Variants in VAPB observed in about 807,000 individuals in gnomAD.
The protein encoded by VAPB is vesicle-associated membrane protein-associated protein B/C.
VAPB carries 7 observed loss-of-function variants against 25.6 expected under a neutral mutation model. That is an observed-to-expected ratio of 0.27 (90% CI 0.16 to 0.51). The LOEUF (loss-of-function observed/expected upper bound fraction) is 0.51. Among genes scored for constraint, VAPB ranks in the 20% least tolerant of loss-of-function variants. VAPB has a pLI of 0.97. For synonymous variants in VAPB, 112 were observed against 109.2 expected (o/e 1.03, Z -0.16); for missense variants, 266 against 301.3 (o/e 0.88, Z 0.87).
intron 1 of VAPB, among the ~76,000 whole-genome samples, chr20:58,408,017 T>G (rs1167721643): frequency 6.6e-6 from 1 of 152,226 alleles, no homozygotes; most frequent in Non-Finnish European, 1.5e-5. Context: ...CAGTAGCATG[T>G]CTTCCAGTTT....
chr20:58,428,919 G>A (rs980683903), intron 2 of VAPB, among the ~76,000 whole-genome samples: 14 of 152,128 alleles, frequency 9.2e-5, no homozygotes, highest in African/African-American at 3.4e-4. Flanking sequence ...CACAGAATCT[G>A]GGTGTCCCAA....
At chr20:58,417,506 A>G (rs1988569552) in intron 1 of VAPB, among the ~76,000 whole-genome samples, 1 of 152,258 alleles carries the variant, frequency 6.6e-6, no homozygotes, top group African/African-American at 2.4e-5. Flanking sequence ...TAATAGTAAT[A>G]AAAAGTATCT....
Position 58,448,560 on chromosome 20 carries a change from G to C in VAPB, c.*4325G>C, listed in dbSNP as rs1188971407. ...ACTTTTTAGAACTAAATCAGTCTCTGTAAGGCCTACATTGCTAAGATACCA... is the reference window on the plus strand; with the variant it reads ...ACTTTTTAGAACTAAATCAGTCTCTCTAAGGCCTACATTGCTAAGATACCA... On this transcript the variant is annotated 3_prime_UTR_variant, in exon 6 of 6. Transcript: ENST00000475243. The C allele has an allele frequency of 2.2e-6, 1 of 454,106 alleles. No individual in the cohort carries two copies. Among genetic ancestry groups the C allele is most frequent in the South Asian group, 1.6e-5 (1 of 64,478 alleles). The allele number at this position is 454,106 out of a possible 1,614,324, so 28.1% of individuals were successfully genotyped here.
At position 58,447,966 on chromosome 20, in the gene VAPB, C is replaced by T. The variant is rs1232249622; in HGVS notation, c.*3731C>T. ...TCGGTGTAGAGGCCACTGCTTCCCC[C>T]TGCTGGAGATGGCATTTCATTGAAG... On this transcript the variant is annotated 3_prime_UTR_variant, in exon 6 of 6. Coordinates refer to ENST00000475243, the MANE Select transcript of VAPB (RefSeq NM_004738.5). The T allele has an allele frequency of 2.2e-6, 1 of 453,946 alleles. No homozygotes were observed. Among genetic ancestry groups the T allele is most frequent in the East Asian group, 7.0e-5 (1 of 14,378 alleles). 28.1% of individuals were successfully genotyped at this position (453,946 alleles called of 1,614,324 possible). A position where few individuals can be genotyped will look rare whatever the true frequency, so the allele number is the denominator to read the frequency against.
chr20:58,423,416 A>C (rs1470969080), intron 2 of VAPB, among the ~76,000 whole-genome samples: 1 of 69,336 alleles, frequency 1.4e-5, no homozygotes, highest in African/African-American at 7.3e-5. Context: ...CCATCTCACA[A>C]AAAAAAAAAA....
Position 58,449,610 on chromosome 20 carries a change from A to G in VAPB, c.*5375A>G, listed in dbSNP as rs902417003. ...CACGATATGGATTGCTTTGATTAAAAGATGTCAGTTGAATAAAACAGTACT... is the reference window on the plus strand; with the variant it reads ...CACGATATGGATTGCTTTGATTAAAGGATGTCAGTTGAATAAAACAGTACT... On this transcript the variant is annotated 3_prime_UTR_variant, in exon 6 of 6. Coordinates refer to ENST00000475243, the MANE Select transcript of VAPB (RefSeq NM_004738.5). 1.1e-5 allele frequency: 5 copies of G among 453,986 alleles called. No homozygotes were observed. Among genetic ancestry groups the G allele is most frequent in the Non-Finnish European group, 2.2e-5 (5 of 226,748 alleles). 28.1% of individuals were successfully genotyped at this position (453,986 alleles called of 1,614,324 possible). A position where few individuals can be genotyped will look rare whatever the true frequency, so the allele number is the denominator to read the frequency against.
chr20:58,445,027 G>T lies in VAPB; in HGVS notation c.*792G>T, dbSNP rs1290038764. On this transcript the variant is annotated 3_prime_UTR_variant, in exon 6 of 6. Transcript: ENST00000475243. The stretch of plus-strand genomic sequence containing the variant: ...ATGCTGCGTGCTGCTGAACTCTGTT[G>T]GGTGAACTGGTATTGCTGCTGGAGG... 4.4e-6 allele frequency: 2 copies of T among 454,762 alleles called. No individual in the cohort carries two copies. The highest frequency in any genetic ancestry group is 8.8e-6 in the Non-Finnish European group (2 of 226,790). 28.2% of individuals were successfully genotyped at this position (454,762 alleles called of 1,614,324 possible). A position where few individuals can be genotyped will look rare whatever the true frequency, so the allele number is the denominator to read the frequency against.
intron 2 of VAPB, among the ~76,000 whole-genome samples, chr20:58,421,112 A>G (rs1387531192): frequency 2.0e-5 from 3 of 152,180 alleles, no homozygotes; most frequent in East Asian, 1.9e-4. Context: ...AGGTCGGGAA[A>G]CCTGAACAGG....
intron 1 of VAPB, among the ~76,000 whole-genome samples, chr20:58,396,734 A>G (rs1309354547): frequency 6.6e-6 from 1 of 152,256 alleles, no homozygotes; most frequent in African/African-American, 2.4e-5. Context: ...AGAAAGGTAA[A>G]GAAGGAACAA....
intron 3 of VAPB, among the ~76,000 whole-genome samples, chr20:58,436,101 T>A (rs746037792): frequency 1.2e-4 from 19 of 152,174 alleles, no homozygotes; most frequent in Non-Finnish European, 2.4e-4. Flanking sequence ...GTCCAGTGTC[T>A]GACACTTGCT....
intron 4 of VAPB, 132 bp downstream of exon 4, chr20:58,439,157 G>T: frequency 2.4e-6 from 2 of 827,100 alleles, no homozygotes; most frequent in Admixed American, 4.5e-5. Flanking sequence ...AAAAAAATAA[G>T]CTGAAGTCAG....
chr20:58,413,262 G>A (rs1693609474), intron 1 of VAPB, among the ~76,000 whole-genome samples: 1 of 151,050 alleles, frequency 6.6e-6, no homozygotes, highest in African/African-American at 2.4e-5. Context: ...AGTGAACAAA[G>A]GTCTCTGGTT....
At chr20:58,403,057 C>G (rs960665307) in intron 1 of VAPB, among the ~76,000 whole-genome samples, 5 of 152,126 alleles carry the variant, frequency 3.3e-5, no homozygotes, top group Non-Finnish European at 5.9e-5. Context: ...AGAAGACTTT[C>G]AGTGGTGAAG....
chr20:58,439,850 T>G (rs1989124567), intron 4 of VAPB: 1 of 152,208 alleles, frequency 6.6e-6, no homozygotes, highest in Non-Finnish European at 1.5e-5. Flanking sequence ...CCCTTCAACC[T>G]AGTCGAAAAC....
At chr20:58,406,511 A>C (rs1160520755) in intron 1 of VAPB, among the ~76,000 whole-genome samples, 5 of 152,212 alleles carry the variant, frequency 3.3e-5, no homozygotes. Context: ...CTAACTGATA[A>C]ACCACGTTCT....
At chr20:58,432,652 G>A (rs1250564223) in intron 2 of VAPB, among the ~76,000 whole-genome samples, 1 of 152,220 alleles carries the variant, frequency 6.6e-6, no homozygotes, top group African/African-American at 2.4e-5. Context: ...GGTTCACAGA[G>A]CATGTAAAGA....
rs1989226666 is a variant in VAPB at position 58,444,343 on chromosome 20, A to C, written c.*108A>C. On this transcript the variant is annotated 3_prime_UTR_variant, in exon 6 of 6. Coordinates refer to ENST00000475243, the MANE Select transcript of VAPB (RefSeq NM_004738.5). ...AGAAATTAATGTATGATGACATCTC[A>C]CAGGTCTTGCCTTTAAATTACCCCT... 3 of 1,546,576 alleles carry C rather than the reference A, an allele frequency of 1.9e-6. No individual in the cohort carries two copies. Among genetic ancestry groups the C allele is most frequent in the Non-Finnish European group, 2.7e-6 (3 of 1,121,974 alleles).
rs1256594775 is a variant in VAPB, at chr20:58,447,601, G to T, written c.*3366G>T. 1 of 454,134 alleles carries T rather than the reference G, an allele frequency of 2.2e-6. No individual in the cohort carries two copies. The highest frequency in any genetic ancestry group is 2.3e-5 in the Admixed American group (1 of 42,582). 28.1% of individuals were successfully genotyped at this position (454,134 alleles called of 1,614,324 possible). ...GTTGAGTCAGATAGAACTGAATGTA[G>T]TGAGAGCTCAGAGCTACAGAGCCTT... On this transcript the variant is annotated 3_prime_UTR_variant, in exon 6 of 6. Coordinates refer to ENST00000475243, the MANE Select transcript of VAPB (RefSeq NM_004738.5).
chr20:58,427,110 A>T (rs1414002712), intron 2 of VAPB, among the ~76,000 whole-genome samples: 1 of 148,858 alleles, frequency 6.7e-6, no homozygotes, highest in Non-Finnish European at 1.5e-5. Flanking sequence ...GGCGAAAGTG[A>T]TCTGTGATCT....
Sources: allele counts gnomAD v4.1 joint callset (sites outside exome capture counted in the v4.1 genomes callset), GRCh38; gene constraint gnomAD v4.1.1; transcripts MANE v1.5; gene names NCBI Gene and HGNC (gene_info 2026-07-23, HGNC 2026-07-21).